Variants in SHISAL1 observed in about 807,000 individuals in gnomAD.
SHISAL1 encodes shisa like 1, also known as protein shisa-like-1.
A neutral mutation model predicts 22.6 loss-of-function variants in SHISAL1; 9 were observed. The ratio of observed to expected loss-of-function variants is 0.40; its 90% CI spans 0.24 to 0.70. SHISAL1 has a LOEUF of 0.70. Ranked by LOEUF, SHISAL1 falls within the 30% of genes least tolerant of loss-of-function variation. SHISAL1 has a pLI of 0.39. For synonymous variants in SHISAL1, 119 were observed against 115.4 expected, an observed-to-expected ratio of 1.03 and a Z score of -0.20; for missense variants, 246 against 270.6, an observed-to-expected ratio of 0.91 and a Z score of 0.64.
At chr22:44,251,350 G>A (rs1280864517) in intron 4 of SHISAL1, among the ~76,000 whole-genome samples, 4 of 152,146 alleles carry the variant, frequency 2.6e-5, no homozygotes, top group African/African-American at 9.7e-5. Context: ...ACAGATTTTT[G>A]AATTAAAGTT....
chr22:44,311,569 C>A (rs181220554), intron 1 of SHISAL1, among the ~76,000 whole-genome samples: 17 of 152,360 alleles, frequency 1.1e-4, no homozygotes, highest in African/African-American at 4.1e-4. Context: ...AAGTTCTCTG[C>A]ATGTGCTACT....
intron 4 of SHISAL1, among the ~76,000 whole-genome samples, chr22:44,273,646 A>T (rs1476432103): frequency 6.6e-6 from 1 of 152,216 alleles, no homozygotes; most frequent in Non-Finnish European, 1.5e-5. Flanking sequence ...TACAACTCTT[A>T]AACTAGCTAT....
In SHISAL1 at chr22:44,274,168, C is replaced by A. The variant is rs1480595371; in HGVS notation, c.599+11260G>T. Among the ~76,000 whole-genome samples, 5 of 150,204 alleles carry A rather than the reference C, an allele frequency of 3.3e-5. No homozygotes were observed. The East Asian group carries it at 9.9e-4, about 30-fold the overall frequency. On this transcript the variant is annotated intron_variant, in intron 4 of 4. Transcript: ENST00000381176. The stretch of plus-strand genomic sequence containing the variant: ...AGCCAAGGCAGGAGAATCACTTGAA[C>A]CTGGGAGGCGGAGGGAGGCTGCAGT...
chr22:44,250,851 A>G (rs997570542), intron 4 of SHISAL1, among the ~76,000 whole-genome samples: 7 of 152,156 alleles, frequency 4.6e-5, no homozygotes, highest in African/African-American at 1.7e-4. Flanking sequence ...TAAATGATAA[A>G]CCATCTTCAA....
At chr22:44,273,305 G>A (rs985241015) in intron 4 of SHISAL1, among the ~76,000 whole-genome samples, 1 of 152,160 alleles carries the variant, frequency 6.6e-6, no homozygotes, top group African/African-American at 2.4e-5. Context: ...GTAAATACTG[G>A]TGCTGTCACT....
intron 1 of SHISAL1, among the ~76,000 whole-genome samples, chr22:44,304,959 G>A (rs2055459880): frequency 6.6e-6 from 1 of 152,264 alleles, no homozygotes; most frequent in South Asian, 2.1e-4. Flanking sequence ...CACAGGCCTG[G>A]CCCCTGCTCC....
At chr22:44,276,425 G>A (rs965727685) in intron 4 of SHISAL1, among the ~76,000 whole-genome samples, 9 of 152,130 alleles carry the variant, frequency 5.9e-5, no homozygotes, top group Non-Finnish European at 8.8e-5. Flanking sequence ...GGCCATCGGC[G>A]GGTCTTGACT....
intron 4 of SHISAL1, among the ~76,000 whole-genome samples, chr22:44,267,195 T>G (rs2147277685): frequency 6.6e-6 from 1 of 152,178 alleles, no homozygotes; most frequent in South Asian, 2.1e-4. Context: ...CTCTCGCGGC[T>G]TCCAGACCCC....
intron 4 of SHISAL1, among the ~76,000 whole-genome samples, chr22:44,266,936 C>A (rs1569211559): frequency 6.6e-6 from 1 of 152,150 alleles, no homozygotes; most frequent in Non-Finnish European, 1.5e-5. Context: ...CAGAAAGAAG[C>A]TGGCGGGCAT....
chr22:44,319,615 CCT>C, the SHISAL1 span, among the ~76,000 whole-genome samples: 1 of 152,234 alleles, frequency 6.6e-6, no homozygotes, highest in African/African-American at 2.4e-5. Context: ...TGGGTGAAAT[CCT>C]CCAGCCGCAG....
intron 3 of SHISAL1, among the ~76,000 whole-genome samples, chr22:44,292,622 C>T (rs2055360323): frequency 1.3e-5 from 2 of 152,316 alleles, no homozygotes; most frequent in South Asian, 2.1e-4. Flanking sequence ...TACCTGGGTC[C>T]CCGTGCACAC....
intron 4 of SHISAL1, among the ~76,000 whole-genome samples, chr22:44,270,260 C>T (rs572400809): frequency 2.0e-5 from 3 of 152,334 alleles, no homozygotes; most frequent in East Asian, 3.9e-4. Context: ...TCTTGGATGC[C>T]GTCAACGTTG....
intron 4 of SHISAL1, among the ~76,000 whole-genome samples, chr22:44,263,139 T>C (rs1396386500): frequency 6.9e-6 from 1 of 144,252 alleles, no homozygotes; most frequent in Non-Finnish European, 1.5e-5. Context: ...AGCGCAATCT[T>C]GGCTCACTGC....
chr22:44,267,165 GC>G (rs1376636999), intron 4 of SHISAL1, among the ~76,000 whole-genome samples: 1 of 152,058 alleles, frequency 6.6e-6, no homozygotes, highest in Non-Finnish European at 1.5e-5. Flanking sequence ...CAGGTCCCAT[GC>G]CCCTCAGCTG....
chr22:44,271,656 T>C (rs2055206311), intron 4 of SHISAL1, among the ~76,000 whole-genome samples: 1 of 152,164 alleles, frequency 6.6e-6, no homozygotes, highest in South Asian at 2.1e-4. Flanking sequence ...TCGATGGAGA[T>C]AAATTCCTTC....
At position 44,247,016 on chromosome 22, in the gene SHISAL1, G is replaced by T. The variant is rs1257899153; in HGVS notation, c.*2669C>A. 2 of 152,396 alleles carry T rather than the reference G, an allele frequency of 1.3e-5. No individual in the cohort carries two copies. Among genetic ancestry groups the T allele is most frequent in the Non-Finnish European group, 2.9e-5 (2 of 68,248 alleles). 9.4% of individuals were successfully genotyped at this position (152,396 alleles called of 1,614,324 possible). On this transcript the variant is annotated 3_prime_UTR_variant, in exon 5 of 5. Coordinates refer to ENST00000381176, the MANE Select transcript of SHISAL1 (RefSeq NM_001099294.2). ...CCTGAAAAGACCTCTTGCGGGGAGG[G>T]GGGCAGGCAGGAGGAATGTCCTCCT...
chr22:44,323,300 A>C, the SHISAL1 span, among the ~76,000 whole-genome samples: 1 of 132,316 alleles, frequency 7.6e-6, no homozygotes, highest in South Asian at 2.6e-4. Context: ...TCACCCACCC[A>C]TTCATCCATC....
chr22:44,296,420 A>G (rs1473526888), intron 3 of SHISAL1, among the ~76,000 whole-genome samples: 1 of 152,162 alleles, frequency 6.6e-6, no homozygotes, highest in African/African-American at 2.4e-5. Flanking sequence ...TCATTCTCCC[A>G]AAGTGCTAGG....
At chr22:44,331,672 C>G in the SHISAL1 span, among the ~76,000 whole-genome samples, 9,705 of 148,390 alleles carry the variant, frequency 0.065, 343 homozygotes, top group African/African-American at 0.07. The surrounding 1 kb of genome is among the most constrained non-coding windows in gnomAD (Gnocchi z 5.2). Flanking sequence ...CTGATCGGCG[C>G]TCGGAAGGCG....
Sources: gnomAD v4.1 joint callset for allele counts (sites outside exome capture counted in the v4.1 genomes callset) on GRCh38, gnomAD v4.1.1 for gene constraint, Gnocchi (gnomAD v3.1) non-coding constraint, MANE v1.5 for transcripts, NCBI Gene and HGNC (gene_info 2026-07-23, HGNC 2026-07-21) for gene names.